Variants in THSD7A observed in about 807,000 individuals in gnomAD.
The protein encoded by THSD7A is thrombospondin type 1 domain containing 7A.
A neutral mutation model predicts 231.3 loss-of-function variants in THSD7A; 96 were observed. The ratio of observed to expected loss-of-function variants is 0.41; its 90% confidence interval spans 0.35 to 0.49. The LOEUF is 0.49. Ranked by LOEUF, THSD7A falls within the 20% of genes least tolerant of loss-of-function variation. The pLI is 0.05. For synonymous variants in THSD7A, 940 were observed against 743.3 expected (o/e 1.26, Z -4.30); for missense variants, 2,290 against 2,070.2 (o/e 1.11, Z -2.06).
At chr7:11,685,036 T>C (rs1401544634) in intron 1 of THSD7A, among the ~76,000 whole-genome samples, 2 of 151,736 alleles carry the variant, frequency 1.3e-5, no homozygotes, top group African/African-American at 4.8e-5. Flanking sequence ...ACATAGATCA[T>C]TGGAACAGAA....
At chr7:11,587,422 G>A (rs1779955183) in intron 4 of THSD7A, among the ~76,000 whole-genome samples, 1 of 152,188 alleles carries the variant, frequency 6.6e-6, no homozygotes, top group Admixed American at 6.5e-5. Flanking sequence ...TGGGGGAATA[G>A]TTGTCAGGAT....
At position 11,510,130 on chromosome 7, in the gene THSD7A, T is replaced by C. The variant is rs112581672; in HGVS notation, c.1823-28148A>G. ...AGCAGCACAATTCACAATTGCAAAA[T>C]AGTGGAACCAACCCAAATGCCGATC... On this transcript the variant is annotated intron_variant, in intron 6 of 27. Transcript: ENST00000423059. 3.8e-4 allele frequency among the ~76,000 whole-genome samples: 58 copies of C among 152,128 alleles called. 1 individual carries two copies. The highest frequency in any genetic ancestry group is 1.4e-3 in the African/African-American group (57 of 41,498).
chr7:11,758,637 A>G (rs1782760055), intron 1 of THSD7A, among the ~76,000 whole-genome samples: 1 of 152,118 alleles, frequency 6.6e-6, no homozygotes, highest in African/African-American at 2.4e-5. Context: ...GACAGAGGGC[A>G]AAGATAATTT....
chr7:11,384,697 CTTAA>C (rs1198959013), intron 23 of THSD7A: 6 of 152,066 alleles, frequency 3.9e-5, no homozygotes, highest in African/African-American at 1.4e-4. Flanking sequence ...AGTCTAATGG[CTTAA>C]TTGTTGATCA....
intron 4 of THSD7A, among the ~76,000 whole-genome samples, chr7:11,546,230 A>ACACACACAAACACACACG (rs1477394829): frequency 6.6e-6 from 1 of 151,164 alleles, no homozygotes; most frequent in African/African-American, 2.4e-5. Context: ...ACACACACAC[A>ACACACACAAACACACACG]CGTGGACCCT....
At chr7:11,772,366 T>G (rs1034258887) in intron 1 of THSD7A, among the ~76,000 whole-genome samples, 1 of 152,140 alleles carries the variant, frequency 6.6e-6, no homozygotes, top group African/African-American at 2.4e-5. Context: ...AGAATCCCAT[T>G]ACTGGGTATA....
intron 3 of THSD7A, among the ~76,000 whole-genome samples, chr7:11,591,002 G>T (rs1421184445): frequency 6.6e-6 from 1 of 152,120 alleles, no homozygotes; most frequent in Non-Finnish European, 1.5e-5. Flanking sequence ...ATATGAAAAT[G>T]GGAAACATTC....
chr7:11,608,464 G>A (rs1163032280), intron 2 of THSD7A, among the ~76,000 whole-genome samples: 1 of 152,108 alleles, frequency 6.6e-6, no homozygotes, highest in Non-Finnish European at 1.5e-5. Context: ...AGAGGTTAAA[G>A]GCAAGAACCT....
intron 11 of THSD7A, among the ~76,000 whole-genome samples, chr7:11,449,759 C>G (rs932865725): frequency 2.0e-5 from 3 of 152,006 alleles, no homozygotes; most frequent in South Asian, 4.1e-4. Flanking sequence ...CAGGATTGAC[C>G]CTTTCAGACA....
intron 6 of THSD7A, among the ~76,000 whole-genome samples, chr7:11,502,633 A>G (rs1787384485): frequency 6.6e-6 from 1 of 152,140 alleles, no homozygotes; most frequent in African/African-American, 2.4e-5. Context: ...ACCAATGTAC[A>G]AAAATCACCA....
chr7:11,732,777 G>A (rs1333316618), intron 1 of THSD7A, among the ~76,000 whole-genome samples: 2 of 151,826 alleles, frequency 1.3e-5, no homozygotes, highest in Non-Finnish European at 2.9e-5. Context: ...TAGGGCATAT[G>A]AACCATGGCT....
intron 1 of THSD7A, among the ~76,000 whole-genome samples, chr7:11,679,856 A>T (rs1783795636): frequency 1.3e-5 from 2 of 152,138 alleles, no homozygotes; most frequent in Admixed American, 1.3e-4. Flanking sequence ...TTTAAATTTC[A>T]TATGGAACCA....
intron 1 of THSD7A, among the ~76,000 whole-genome samples, chr7:11,803,407 T>C (rs576905077): frequency 6.6e-6 from 1 of 152,264 alleles, no homozygotes; most frequent in South Asian, 2.1e-4. Context: ...GCTTATTTTC[T>C]CCATTTTGGC....
chr7:11,447,355 A>T lies in THSD7A; in HGVS notation c.2675T>A (p.Val892Glu). 6.2e-7 allele frequency: 1 copy of T among 1,612,396 alleles called. No homozygotes were observed. The change falls in exon 12 of 28, where the codon GTG becomes GAG. Residue 892 changes from valine to glutamate, a missense_variant. By Grantham distance (121) the Val-to-Glu change is moderately radical. Coordinates refer to ENST00000423059, the MANE Select transcript of THSD7A (RefSeq NM_015204.3). ...CTGGCAGGCCTGGGTAAGGGCTGGC[A>T]CAGGGCCTGCATACTGTAGGCACTC... The part of the protein sequence containing the change: ...IHECLQYAGP[V>E]PALTQACQIP...
intron 1 of THSD7A, among the ~76,000 whole-genome samples, chr7:11,792,112 A>G (rs1294366120): frequency 1.3e-5 from 2 of 151,652 alleles, no homozygotes; most frequent in Admixed American, 6.6e-5. Context: ...CTCTCCCTCC[A>G]TTTCACGCTC....
At chr7:11,681,427 A>G (rs1400291247) in intron 1 of THSD7A, among the ~76,000 whole-genome samples, 1 of 152,060 alleles carries the variant, frequency 6.6e-6, no homozygotes, top group Admixed American at 6.6e-5. Context: ...GAACTTACGG[A>G]AGTGAAAAAT....
chr7:11,567,152 G>C (rs972929110), intron 4 of THSD7A, among the ~76,000 whole-genome samples: 3 of 152,068 alleles, frequency 2.0e-5, no homozygotes, highest in African/African-American at 4.8e-5. Context: ...TACTGCCCGA[G>C]ACTGGGTAAT....
chr7:11,389,116 G>C (rs1461045964), intron 23 of THSD7A, among the ~76,000 whole-genome samples: 3 of 152,110 alleles, frequency 2.0e-5, no homozygotes, highest in Non-Finnish European at 4.4e-5. Context: ...AAGTCTATTA[G>C]GTCTGCTTGT....
intron 2 of THSD7A, among the ~76,000 whole-genome samples, chr7:11,627,417 A>T (rs1781509397): frequency 6.6e-6 from 1 of 152,076 alleles, no homozygotes; most frequent in African/African-American, 2.4e-5. Context: ...AAATGTATAC[A>T]TATAAATATA....
Sources: gnomAD v4.1 joint callset for allele counts (sites outside exome capture counted in the v4.1 genomes callset) on GRCh38, gnomAD v4.1.1 for gene constraint, MANE v1.5 for transcripts, NCBI Gene and HGNC (gene_info 2026-07-23, HGNC 2026-07-21) for gene names.